Variants in DNAH10 observed in about 807,000 individuals in gnomAD.
The protein encoded by DNAH10 is dynein axonemal heavy chain 10, also known as axonemal beta dynein heavy chain 10.
Under a neutral mutation model 506.6 loss-of-function variants are expected in DNAH10, and 348 were observed. That is an observed-to-expected ratio of 0.69 (90% CI 0.63 to 0.75). The LOEUF is 0.75. DNAH10 is among the 30% of genes least tolerant of loss of function. The pLI, the probability that DNAH10 is intolerant of heterozygous loss-of-function variation, is 0.00. For synonymous variants in DNAH10, 2,059 were observed against 2,198.6 expected (o/e 0.94, Z 1.78); for missense variants, 5,179 against 5,787.1 (o/e 0.89, Z 3.41).
chr12:123,793,563 C>T (rs1958165535), intron 11 of DNAH10, among the ~76,000 whole-genome samples: 2 of 152,260 alleles, frequency 1.3e-5, no homozygotes, highest in Non-Finnish European at 2.9e-5. Flanking sequence ...TGGTCTCGAT[C>T]TCCTGACCTC....
intron 25 of DNAH10, among the ~76,000 whole-genome samples, chr12:123,829,333 CA>C (rs1272530889): frequency 6.6e-6 from 1 of 151,856 alleles, no homozygotes; most frequent in Non-Finnish European, 1.5e-5. Context: ...CTTCCAACGT[CA>C]AAAAGGCCAC....
At chr12:123,870,542 G>C in intron 44 of DNAH10, 57 bp downstream of exon 44, 1 of 1,572,764 alleles carries the variant, frequency 6.4e-7, no homozygotes, top group Non-Finnish European at 8.6e-7. Flanking sequence ...ACTCGCTCTA[G>C]GAGGAGGCAA....
intron 78 of DNAH10, chr12:123,934,994 A>G (rs1955424018): frequency 6.3e-6 from 4 of 637,528 alleles, no homozygotes; most frequent in Non-Finnish European, 8.1e-6. Flanking sequence ...GTCAGGCTCA[A>G]GCTGTGATCC....
chr12:123,824,124 G>A (rs2136442075), intron 24 of DNAH10, among the ~76,000 whole-genome samples: 1 of 152,316 alleles, frequency 6.6e-6, no homozygotes, highest in Non-Finnish European at 1.5e-5. Context: ...TGGCAGCGGT[G>A]CAGGTTGGGA....
At chr12:123,914,268 G>C in intron 60 of DNAH10, 61 bp from the exon 61 acceptor site, 1 of 1,479,944 alleles carries the variant, frequency 6.8e-7, no homozygotes, top group Non-Finnish European at 9.3e-7. Flanking sequence ...CTTCTGGAAT[G>C]TTCCTTTTGG....
At chr12:123,856,222 A>C (rs994280325) in intron 36 of DNAH10, among the ~76,000 whole-genome samples, 4 of 147,652 alleles carry the variant, frequency 2.7e-5, no homozygotes, top group African/African-American at 7.3e-5. Flanking sequence ...ATTTATATAA[A>C]ATTGTAATAT....
At position 123,925,025 on chromosome 12, in the gene DNAH10, A is replaced by G; in HGVS notation, c.11767-25A>G. ...CTATGTCATTTCTGAGTTGACGCAC[A>G]ATGAATATTCTTTGCTTTTCCCAGT... On this transcript the variant is annotated intron_variant, in intron 67 of 78. Transcript: ENST00000673944. The surrounding 1 kb of genome is among the most constrained non-coding windows in gnomAD (Gnocchi z 4.0). 6.2e-7 allele frequency: 1 copy of G among 1,612,568 alleles called. No homozygotes were observed. Among genetic ancestry groups the G allele is most frequent in the South Asian group, 1.1e-5 (1 of 91,010 alleles).
chr12:123,860,987 A>G (rs1300704698), intron 38 of DNAH10, 25 bp from the exon 39 acceptor site: 4 of 1,613,854 alleles, frequency 2.5e-6, no homozygotes, highest in Admixed American at 1.7e-5. Context: ...GTCTTGAACC[A>G]TGGCTAAAGC....
At chr12:123,835,703 T>C (rs1961064942) in intron 28 of DNAH10, among the ~76,000 whole-genome samples, 175 bp downstream of exon 28, 1 of 152,192 alleles carries the variant, frequency 6.6e-6, no homozygotes, top group Non-Finnish European at 1.5e-5. Context: ...TGGCTCCCTG[T>C]AGCCTTGAAC....
At chr12:123,765,097 C>G (rs1014647873) in intron 1 of DNAH10, among the ~76,000 whole-genome samples, 5 of 151,934 alleles carry the variant, frequency 3.3e-5, no homozygotes, top group Admixed American at 1.3e-4. Context: ...TTTCTGCCCC[C>G]CTTCCCCGGT....
intron 64 of DNAH10, 120 bp from the exon 65 acceptor site, chr12:123,918,556 C>T (rs1472147173): frequency 4.7e-6 from 6 of 1,279,332 alleles, no homozygotes; most frequent in Non-Finnish European, 6.3e-6. Flanking sequence ...CCCTGCAGTC[C>T]CTGGATACTT....
Position 123,762,512 on chromosome 12 carries a change from A to G in DNAH10, c.176A>G (p.Tyr59Cys), listed in dbSNP as rs1047359013. ...EEEGPSALFI[Y>C]RTMVPEEVEV... Reference sequence around the variant, plus strand: ...GAGGGGCCCTCGGCGCTCTTCATCTACCGCACTATGGTGCCGGAGGAGGTG... The same window carrying G: ...GAGGGGCCCTCGGCGCTCTTCATCTGCCGCACTATGGTGCCGGAGGAGGTG... The change falls in exon 1 of 79, where the codon TAC (tyrosine) becomes TGC (cysteine). Residue 59 changes from tyrosine (Y) to cysteine (C), a missense_variant. Tyr to Cys is a radical substitution (Grantham distance 194). Coordinates refer to ENST00000673944, the MANE Select transcript of DNAH10 (RefSeq NM_001372106.1). This position sits in a 1 kb window ranked among gnomAD's most constrained non-coding sequence, Gnocchi z 5.0. 2.6e-6 allele frequency: 4 copies of G among 1,545,714 alleles called. No homozygotes were observed. Among genetic ancestry groups the G allele is most frequent in the Middle Eastern group, 1.7e-4 (1 of 5,920 alleles).
chr12:123,802,585 C>T (rs1473424699), intron 16 of DNAH10, among the ~76,000 whole-genome samples: 1 of 152,158 alleles, frequency 6.6e-6, no homozygotes, highest in Non-Finnish European at 1.5e-5. Flanking sequence ...GGATTACAGG[C>T]GTGAGCCACC....
rs1294438903 is a variant in DNAH10, at chr12:123,846,694, A to G, written c.5814+540A>G. Among the ~76,000 whole-genome samples, 2 of 152,106 alleles carry G rather than the reference A, an allele frequency of 1.3e-5. No homozygotes were observed. The highest frequency in any genetic ancestry group is 2.1e-4 in the South Asian group (1 of 4,794). Reference sequence around the variant, plus strand: ...TTTAAATTAGAGATGAGGTCTTGATATGTTGCCCAGGCTTGCCTTGAACTC... The same window carrying G: ...TTTAAATTAGAGATGAGGTCTTGATGTGTTGCCCAGGCTTGCCTTGAACTC... On this transcript the variant is annotated intron_variant, in intron 32 of 78. Coordinates refer to ENST00000673944, the MANE Select transcript of DNAH10 (RefSeq NM_001372106.1). The surrounding 1 kb of genome is among the most constrained non-coding windows in gnomAD (Gnocchi z 4.5).
chr12:123,786,009 T>A, intron 9 of DNAH10, 73 bp downstream of exon 9: 11 of 1,398,356 alleles, frequency 7.9e-6, no homozygotes, highest in Non-Finnish European at 1.1e-5. Context: ...TAAACAGCTC[T>A]ATTGAGCTAT....
chr12:123,838,713 G>A (rs759373126), intron 29 of DNAH10, 24 bp downstream of exon 29: 1 of 1,604,088 alleles, frequency 6.2e-7, no homozygotes. Flanking sequence ...GTGTGCAGGG[G>A]CTCCCCGTGT....
intron 57 of DNAH10, among the ~76,000 whole-genome samples, chr12:123,906,130 C>T (rs1953767306): frequency 6.6e-6 from 1 of 152,020 alleles, no homozygotes; most frequent in Non-Finnish European, 1.5e-5. Flanking sequence ...GATGGGGTTT[C>T]ACCATGTTAG....
chr12:123,863,405 C>G (rs1479875847), intron 39 of DNAH10, among the ~76,000 whole-genome samples: 1 of 152,168 alleles, frequency 6.6e-6, no homozygotes, highest in Non-Finnish European at 1.5e-5. Context: ...GTGTTAGTTT[C>G]CTAGGGCTGC....
At chr12:123,768,816 T>G (rs113503612) in intron 2 of DNAH10, among the ~76,000 whole-genome samples, 91 of 152,210 alleles carry the variant, frequency 6.0e-4, no homozygotes, top group Middle Eastern at 3.4e-3. Context: ...ATAGCTCACT[T>G]TAGCCTCTAA....
Sources: gnomAD v4.1 joint callset for allele counts (sites outside exome capture counted in the v4.1 genomes callset) on GRCh38, gnomAD v4.1.1 for gene constraint, Gnocchi (gnomAD v3.1) non-coding constraint, MANE v1.5 for transcripts, NCBI Gene and HGNC (gene_info 2026-07-23, HGNC 2026-07-21) for gene names.